FOXP1: variants seen among roughly 807,000 people sequenced by gnomAD.
The protein encoded by FOXP1 is forkhead box P1, also known as forkhead box protein P1.
In FOXP1, 15 loss-of-function variants were observed where a neutral mutation model predicts 98.2. That is an observed-to-expected ratio of 0.15 (90% CI 0.10 to 0.24). FOXP1 has a LOEUF of 0.24. Among genes scored for constraint, FOXP1 ranks in the 10% least tolerant of loss-of-function variants. The pLI is 1.00. For synonymous variants in FOXP1, 371 were observed against 314.5 expected (o/e 1.18, Z -1.90); for missense variants, 633 against 848.5 (o/e 0.75, Z 3.15).
intron 5 of FOXP1, among the ~76,000 whole-genome samples, chr3:71,276,599 T>C (rs745938162): frequency 5.9e-5 from 9 of 152,108 alleles, no homozygotes; most frequent in Non-Finnish European, 1.2e-4. Flanking sequence ...CCTAAGTATA[T>C]CCTTTTTAAA....
At chr3:71,397,038 A>ATATATATACATATATATGTG (rs2081519070) in intron 3 of FOXP1, among the ~76,000 whole-genome samples, 1 of 65,030 alleles carries the variant, frequency 1.5e-5, no homozygotes, top group Non-Finnish European at 3.2e-5. Context: ...ATATATGTGT[A>ATATATATACATATATATGTG]TATATATATA....
intron 7 of FOXP1, among the ~76,000 whole-genome samples, chr3:71,109,406 A>G (rs962279722): frequency 1.5e-5 from 2 of 133,590 alleles, no homozygotes. Flanking sequence ...TATGAGTCAC[A>G]GTATATTTGG....
chr3:71,005,329 A>AC (rs2042643300), intron 12 of FOXP1, among the ~76,000 whole-genome samples: 1 of 149,280 alleles, frequency 6.7e-6, no homozygotes, highest in Non-Finnish European at 1.5e-5. Flanking sequence ...AAAAAAAAAA[A>AC]AAAAAAAAAA....
intron 2 of FOXP1, among the ~76,000 whole-genome samples, chr3:71,556,929 C>T (rs1237928375): frequency 1.3e-5 from 2 of 152,058 alleles, no homozygotes; most frequent in Middle Eastern, 3.4e-3. Context: ...TCATGGTCCA[C>T]TGTAGATTGA....
At chr3:71,542,757 A>ACATACT (rs1379818882) in intron 2 of FOXP1, among the ~76,000 whole-genome samples, 15 of 152,198 alleles carry the variant, frequency 9.9e-5, no homozygotes, top group Admixed American at 5.9e-4. Flanking sequence ...AAAAATAGAC[A>ACATACT]CATACTCACA....
chr3:71,279,600 T>C (rs1032374124), intron 5 of FOXP1, among the ~76,000 whole-genome samples: 2 of 152,164 alleles, frequency 1.3e-5, no homozygotes, highest in African/African-American at 4.8e-5. Context: ...GGCTTGCAAC[T>C]ATGCATATAC....
chr3:71,226,702 TTCTC>T (rs992770907), intron 5 of FOXP1, among the ~76,000 whole-genome samples: 4 of 151,918 alleles, frequency 2.6e-5, no homozygotes, highest in Non-Finnish European at 5.9e-5. Flanking sequence ...TAGTATCCCT[TTCTC>T]TCTGCTTGTC....
intron 6 of FOXP1, among the ~76,000 whole-genome samples, chr3:71,184,421 G>A (rs1360842133): frequency 1.3e-5 from 2 of 152,160 alleles, no homozygotes. Flanking sequence ...TGGTTTATAG[G>A]GTTCTGTAGT....
chr3:71,473,705 T>C (rs1196359234), intron 3 of FOXP1, among the ~76,000 whole-genome samples: 2 of 149,518 alleles, frequency 1.3e-5, no homozygotes, highest in Admixed American at 6.7e-5. Flanking sequence ...AACCAAATTA[T>C]GGTTTAAACT....
intron 7 of FOXP1, chr3:71,064,863 G>C (rs1000101151): frequency 3.9e-5 from 38 of 977,726 alleles, no homozygotes; most frequent in East Asian, 2.3e-4. Context: ...GCGGAGCCGG[G>C]CTCGGGGCGC....
intron 12 of FOXP1, among the ~76,000 whole-genome samples, chr3:71,014,585 G>A (rs897331682): frequency 5.3e-5 from 8 of 152,164 alleles, no homozygotes; most frequent in South Asian, 2.1e-4. Context: ...AAAGTGTGGC[G>A]ATTCCTCGAG....
chr3:71,035,923 T>C (rs1177233133), intron 11 of FOXP1, among the ~76,000 whole-genome samples: 2 of 152,172 alleles, frequency 1.3e-5, no homozygotes, highest in African/African-American at 4.8e-5. Flanking sequence ...CTTCTAGAAT[T>C]TTAGCAAGTA....
chr3:71,133,216 T>C lies in FOXP1; in HGVS notation c.181-20579A>G, dbSNP rs186090599. 7.1e-4 allele frequency among the ~76,000 whole-genome samples: 108 copies of C among 152,328 alleles called. 1 individual carries two copies. Among genetic ancestry groups the C allele is most frequent in the African/African-American group, 2.4e-3 (100 of 41,562 alleles). On this transcript the variant is annotated intron_variant, in intron 6 of 20. Coordinates refer to ENST00000649528, the MANE Select transcript of FOXP1 (RefSeq NM_001349338.3). ...GCAACAGTCCATTTCTCATGGCCAT[T>C]AGAAGTCTTTTTTAAAAAATCTGAC...
chr3:70,977,789 G>T, intron 15 of FOXP1, 39 bp downstream of exon 15: 2 of 1,610,168 alleles, frequency 1.2e-6, no homozygotes, highest in Non-Finnish European at 1.7e-6. Flanking sequence ...AAGAATTGCA[G>T]ATTACAACTC....
chr3:71,338,758 A>T (rs943214038), intron 4 of FOXP1, among the ~76,000 whole-genome samples: 2 of 152,320 alleles, frequency 1.3e-5, no homozygotes, highest in Admixed American at 6.5e-5. Flanking sequence ...ATAAAAACAT[A>T]ATGAGAAAAA....
intron 4 of FOXP1, among the ~76,000 whole-genome samples, chr3:71,320,194 T>G (rs2075309393): frequency 6.6e-6 from 1 of 152,074 alleles, no homozygotes; most frequent in African/African-American, 2.4e-5. Context: ...AACATTGACA[T>G]GGATGCTTAA....
intron 2 of FOXP1, among the ~76,000 whole-genome samples, chr3:71,563,215 G>A (rs1016157710): frequency 1.2e-4 from 19 of 152,144 alleles, no homozygotes; most frequent in Admixed American, 5.2e-4. Context: ...CAAAAGCTCT[G>A]GCTACTCTAT....
At chr3:71,359,895 C>T (rs909907489) in intron 3 of FOXP1, among the ~76,000 whole-genome samples, 13 of 152,080 alleles carry the variant, frequency 8.5e-5, no homozygotes, top group East Asian at 5.8e-4. Flanking sequence ...CAGTTTCAAG[C>T]GATTATCCTG....
Position 70,972,666 on chromosome 3 carries a change from C to A in FOXP1, c.1541G>T (p.Arg514Leu). ...RNAATWKNAV[R>L]HNLSLHKCFV... ...ACACTTGTGAAGACTAAGATTATGA[C>A]GCACTGCATTCTGCAGCAAGTATAA... Residue 514 changes from arginine (R) to leucine (L), a missense_variant, in exon 18 of 21, where the codon CGT becomes CTT. Transcript: ENST00000649528. The A allele has an allele frequency of 6.2e-7, 1 of 1,613,972 alleles. No homozygotes were observed. The highest frequency in any genetic ancestry group is 8.5e-7 in the Non-Finnish European group (1 of 1,179,876).
Sources: gnomAD v4.1 joint callset for allele counts (sites outside exome capture counted in the v4.1 genomes callset) on GRCh38, gnomAD v4.1.1 for gene constraint, MANE v1.5 for transcripts, NCBI Gene and HGNC (gene_info 2026-07-23, HGNC 2026-07-21) for gene names.